STOX2: variants seen among roughly 807,000 people sequenced by gnomAD.
STOX2 encodes the protein storkhead-box protein 2.
STOX2 carries 28 observed loss-of-function variants against 60.9 expected under a neutral mutation model. That is an observed-to-expected ratio of 0.46 (90% CI 0.34 to 0.63). STOX2 has a LOEUF of 0.63. Ranked by LOEUF, STOX2 falls within the 30% of genes least tolerant of loss-of-function variation. The pLI is 0.01. For synonymous variants in STOX2, 472 were observed against 463.9 expected (o/e 1.02, Z -0.22); for missense variants, 1,024 against 1,187.7 (o/e 0.86, Z 2.03).
Position 184,009,597 on chromosome 4 carries a change from C to T in STOX2, c.759C>T (p.Leu253=). The change falls in exon 3 of 4, where the codon CTC becomes CTT. Residue 253 remains leucine (L), a synonymous_variant. Transcript: ENST00000308497. This position sits in a 1 kb window ranked among gnomAD's most constrained non-coding sequence, Gnocchi z 4.0. ...TVNFSYKTET[L]SKPKDSEKQS... is the part of the protein sequence containing the mutation. Reference sequence around the variant, plus strand: ...ATTTTTCCTATAAGACAGAAACTCTCTCAAAACCTAAAGATAGTGAAAAGC... The same window carrying T: ...ATTTTTCCTATAAGACAGAAACTCTTTCAAAACCTAAAGATAGTGAAAAGC... The T allele has an allele frequency of 6.2e-7, 1 of 1,613,960 alleles. No homozygotes were observed. The highest frequency in any genetic ancestry group is 2.2e-5 in the East Asian group (1 of 44,894).
At chr4:183,970,689 C>A (rs1743718522) in intron 1 of STOX2, among the ~76,000 whole-genome samples, 1 of 152,202 alleles carries the variant, frequency 6.6e-6, no homozygotes, top group African/African-American at 2.4e-5. Context: ...CCCACTGGTT[C>A]CCCCACCAAA....
At chr4:183,814,598 G>A (rs1199159102) in intron 1 of STOX2, among the ~76,000 whole-genome samples, 1 of 152,202 alleles carries the variant, frequency 6.6e-6, no homozygotes, top group Non-Finnish European at 1.5e-5. Flanking sequence ...AGAATCATCT[G>A]AGAACTTTAA....
chr4:183,818,235 A>T (rs1739198451), intron 1 of STOX2, among the ~76,000 whole-genome samples: 1 of 151,966 alleles, frequency 6.6e-6, no homozygotes, highest in South Asian at 2.1e-4. Context: ...TAGGCAGAGG[A>T]CCCTGCGGCC....
intron 1 of STOX2, among the ~76,000 whole-genome samples, chr4:183,876,733 G>A (rs560034735): frequency 1.1e-4 from 16 of 152,316 alleles, no homozygotes; most frequent in African/African-American, 2.9e-4. Context: ...AGTCGTTCAC[G>A]GCTGCGCCTC....
Position 184,017,299 on chromosome 4 carries a change from C to G in STOX2, c.*15C>G. On this transcript the variant is annotated 3_prime_UTR_variant, in exon 4 of 4. Transcript: ENST00000308497. Reference sequence around the variant, plus strand: ...CTAGCGTGTGATTGTCCTTCTGCCTCAGATCTTCTGTCTCATTCGATACAG... The same window carrying G: ...CTAGCGTGTGATTGTCCTTCTGCCTGAGATCTTCTGTCTCATTCGATACAG... 2 of 1,573,414 alleles carry G rather than the reference C, an allele frequency of 1.3e-6. No individual in the cohort carries two copies. The highest frequency in any genetic ancestry group is 1.7e-6 in the Non-Finnish European group (2 of 1,158,650).
chr4:183,906,766 G>C lies in STOX2; in HGVS notation c.-25G>C. 2 of 1,495,644 alleles carry C rather than the reference G, an allele frequency of 1.3e-6. No individual in the cohort carries two copies. Among genetic ancestry groups the C allele is most frequent in the Non-Finnish European group, 1.8e-6 (2 of 1,116,302 alleles). 92.6% of individuals were successfully genotyped at this position (1,495,644 alleles called of 1,614,324 possible). Reference sequence around the variant, plus strand: ...CCCCGGCGCTGAGGCCCCGAGGATCGGGGCGGCAGGTCGCCCTCCCCACCA... The same window carrying C: ...CCCCGGCGCTGAGGCCCCGAGGATCCGGGCGGCAGGTCGCCCTCCCCACCA... On this transcript the variant is annotated 5_prime_UTR_variant, in exon 1 of 4. Coordinates refer to ENST00000308497, the MANE Select transcript of STOX2 (RefSeq NM_020225.3).
At chr4:183,987,791 A>G (rs1420452902) in intron 1 of STOX2, 1 of 152,234 alleles carries the variant, frequency 6.6e-6, no homozygotes. Context: ...TATGACAAAT[A>G]GCTCACTGCA....
chr4:183,921,791 G>T (rs932876278), intron 1 of STOX2, among the ~76,000 whole-genome samples: 2 of 152,124 alleles, frequency 1.3e-5, no homozygotes, highest in African/African-American at 2.4e-5. Flanking sequence ...AGTTAAAAAT[G>T]ATATCTTTTA....
At position 183,825,166 on chromosome 4, in the gene STOX2, G is replaced by A. The variant is rs1396516648; in HGVS notation, c.364+27111G>A. On this transcript the variant is annotated intron_variant, in intron 1 of 2. Coordinates refer to the STOX2 transcript ENST00000513034. This position sits in a 1 kb window ranked among gnomAD's most constrained non-coding sequence, Gnocchi z 4.1. ...CATCCAAGGTCACCCCATGGTGTCAGGAGGTCGTGGTGGATGGTCTCAGGT... is the reference window on the plus strand; with the variant it reads ...CATCCAAGGTCACCCCATGGTGTCAAGAGGTCGTGGTGGATGGTCTCAGGT... Among the ~76,000 whole-genome samples, 2 of 152,214 alleles carry A rather than the reference G, an allele frequency of 1.3e-5. No individual in the cohort carries two copies. The highest frequency in any genetic ancestry group is 4.8e-5 in the African/African-American group (2 of 41,454).
rs573084682 is a variant in STOX2, at chr4:183,806,505, T to C, written c.364+8450T>C. Among the ~76,000 whole-genome samples, 8 of 152,278 alleles carry C rather than the reference T, an allele frequency of 5.3e-5. No homozygotes were observed. The South Asian group carries it at 1.7e-3, about 32-fold the overall frequency. ...GCCGCCTGAGGTTGCTGCAGCCTTC[T>C]GTCTTCACTGTGAACCCCGGGATAC... On this transcript the variant is annotated intron_variant, in intron 1 of 2. Coordinates refer to the STOX2 transcript ENST00000513034. The surrounding 1 kb of genome is among the most constrained non-coding windows in gnomAD (Gnocchi z 4.1).
At chr4:184,006,981 A>T (rs1190541842) in intron 2 of STOX2, among the ~76,000 whole-genome samples, 17 of 130,194 alleles carry the variant, frequency 1.3e-4, no homozygotes, top group Non-Finnish European at 1.4e-4. Flanking sequence ...CCGCCACTGC[A>T]CTCCAGCCTG....
chr4:183,835,950 C>T (rs12505775), intron 1 of STOX2, among the ~76,000 whole-genome samples: 1,882 of 152,262 alleles, frequency 0.012, 40 homozygotes, highest in Admixed American at 0.064. Flanking sequence ...AGGCTGTTCT[C>T]ACATGGCTGT....
upstream of STOX2, among the ~76,000 whole-genome samples, chr4:183,904,344 G>A (rs1741532600): frequency 6.6e-6 from 1 of 152,222 alleles, no homozygotes; most frequent in Non-Finnish European, 1.5e-5. Flanking sequence ...CCTGGGAATT[G>A]GGGATCCCTG....
At position 184,021,875 on chromosome 4, in the gene STOX2, T is replaced by G. The variant is rs1734605257; in HGVS notation, c.*4591T>G. The stretch of plus-strand genomic sequence containing the variant: ...ACCACAGGCCAGTCACAGAACCAAC[T>G]AGCCACGTGCTGCCAGACCTCAGTG... On this transcript the variant is annotated 3_prime_UTR_variant, in exon 4 of 4. Coordinates refer to ENST00000308497, the MANE Select transcript of STOX2 (RefSeq NM_020225.3). 1 of 152,232 alleles carries G rather than the reference T, an allele frequency of 6.6e-6. No individual in the cohort carries two copies. Among genetic ancestry groups the G allele is most frequent in the Non-Finnish European group, 1.5e-5 (1 of 68,162 alleles). The allele number at this position is 152,232 out of a possible 1,614,324, so 9.4% of individuals were successfully genotyped here. A position where few individuals can be genotyped will look rare whatever the true frequency, so the allele number is the denominator to read the frequency against.
At chr4:183,906,984 C>G in intron 1 of STOX2, 28 bp downstream of exon 1, 3 of 1,500,052 alleles carry the variant, frequency 2.0e-6, no homozygotes, top group Non-Finnish European at 2.7e-6. Context: ...TTTCTGCCCC[C>G]GGGCCGGGGC....
chr4:183,800,071 G>A (rs1738725360), intron 1 of STOX2, among the ~76,000 whole-genome samples: 1 of 152,172 alleles, frequency 6.6e-6, no homozygotes, highest in Admixed American at 6.5e-5. Flanking sequence ...CTGGGGGGTG[G>A]GGTGGGTTAA....
At chr4:183,870,503 A>G (rs1000525489) in intron 1 of STOX2, among the ~76,000 whole-genome samples, 1 of 152,224 alleles carries the variant, frequency 6.6e-6, no homozygotes, top group African/African-American at 2.4e-5. Flanking sequence ...CTACACCATG[A>G]GTTGCCCTTT....
At chr4:183,858,225 G>C (rs142420053) in intron 1 of STOX2, among the ~76,000 whole-genome samples, 1 of 152,206 alleles carries the variant, frequency 6.6e-6, no homozygotes, top group East Asian at 1.9e-4. Flanking sequence ...AGACAAAGCA[G>C]CTCCACAGGG....
At chr4:183,846,382 C>G (rs771761193) in intron 1 of STOX2, among the ~76,000 whole-genome samples, 1 of 152,172 alleles carries the variant, frequency 6.6e-6, no homozygotes, top group Non-Finnish European at 1.5e-5. Context: ...TCTCTCTCCT[C>G]TCTTTGTGGA....
Sources: allele counts gnomAD v4.1 joint callset (sites outside exome capture counted in the v4.1 genomes callset), GRCh38; gene constraint gnomAD v4.1.1; non-coding constraint Gnocchi (gnomAD v3.1); transcripts MANE v1.5; gene names NCBI Gene and HGNC (gene_info 2026-07-23, HGNC 2026-07-21).